GAS2L3: variants seen among roughly 807,000 people sequenced by gnomAD.
GAS2L3 encodes growth arrest specific 2 like 3.
A neutral mutation model predicts 37.0 loss-of-function variants in GAS2L3; 28 were observed. The observed-to-expected ratio is 0.76, with a 90% CI of 0.56 to 1.04. The LOEUF is 1.04. GAS2L3 is among the 50% of genes least tolerant of loss of function. The probability of loss-of-function intolerance (pLI) is 0.00; values close to 1 mark genes in which losing one functional copy is unlikely to be tolerated. For synonymous variants in GAS2L3, 290 were observed against 296.6 expected, an observed-to-expected ratio of 0.98 and a Z score of 0.23; for missense variants, 793 against 817.6, an observed-to-expected ratio of 0.97 and a Z score of 0.37.
intron 5 of GAS2L3, among the ~76,000 whole-genome samples, chr12:100,608,100 G>A (rs1003652236): frequency 2.0e-5 from 3 of 152,154 alleles, no homozygotes; most frequent in Non-Finnish European, 4.4e-5. Flanking sequence ...ACCCAATAAT[G>A]CCATGGTTCT....
At chr12:100,576,063 T>G (rs1231708767) in intron 1 of GAS2L3, among the ~76,000 whole-genome samples, 2 of 152,198 alleles carry the variant, frequency 1.3e-5, no homozygotes, top group African/African-American at 4.8e-5. Flanking sequence ...TGCATGCTAT[T>G]AGTAAAAAAA....
chr12:100,620,589 A>C (rs1956240807), intron 8 of GAS2L3, among the ~76,000 whole-genome samples: 1 of 152,004 alleles, frequency 6.6e-6, no homozygotes, highest in African/African-American at 2.4e-5. Context: ...TGTTATGAAA[A>C]CTAAAAAGAA....
intron 6 of GAS2L3, 39 bp downstream of exon 6, chr12:100,612,180 C>A: frequency 6.3e-7 from 1 of 1,574,968 alleles, no homozygotes; most frequent in Non-Finnish European, 8.7e-7. Flanking sequence ...TTAATGCTTA[C>A]TAGGATGTTT....
intron 1 of GAS2L3, among the ~76,000 whole-genome samples, chr12:100,584,604 C>T (rs1025231020): frequency 2.0e-5 from 3 of 151,480 alleles, no homozygotes; most frequent in East Asian, 1.9e-4. Context: ...GACAGAGTCT[C>T]GTTCTGTCAC....
chr12:100,612,057 G>T lies in GAS2L3; in HGVS notation c.361G>T (p.Ala121Ser), dbSNP rs1956133468. The change falls in exon 6 of 10, where the codon GCT (alanine) becomes TCT (serine). Residue 121 changes from alanine (A) to serine (S), a missense_variant. By Grantham distance (99) the Ala-to-Ser change is moderately conservative (BLOSUM62 1). Transcript: ENST00000547754. ...AGATGCTGCATCAGGTTCATTCTTT[G>T]CTCGGGACAATACCGCAAACTTCCT... The part of the protein sequence containing the change: ...KKDAASGSFF[A>S]RDNTANFLHW... 1 of 1,611,474 alleles carries T rather than the reference G, an allele frequency of 6.2e-7. No homozygotes were observed. The highest frequency in any genetic ancestry group is 8.5e-7 in the Non-Finnish European group (1 of 1,177,650).
chr12:100,618,375 A>G, intron 7 of GAS2L3, 74 bp from the exon 8 acceptor site: 4 of 1,452,868 alleles, frequency 2.8e-6, no homozygotes, highest in Non-Finnish European at 3.7e-6. Flanking sequence ...TTCAGAAAGA[A>G]AATCTATCTT....
chr12:100,596,072 G>A (rs1955907945), intron 3 of GAS2L3, among the ~76,000 whole-genome samples: 1 of 151,862 alleles, frequency 6.6e-6, no homozygotes, highest in Admixed American at 6.6e-5. Context: ...CCTATATTCT[G>A]CAGCTGTAGT....
In GAS2L3 at chr12:100,627,312, T is replaced by C; in HGVS notation, c.*2422T>C. ...TTTTTGAGACGGAGTTTCACTCTTG[T>C]TGCCCAGACTGGAGTGCAGTGGCAC... On this transcript the variant is annotated 3_prime_UTR_variant, in exon 10 of 10. Transcript: ENST00000547754. 6.6e-6 allele frequency among the ~76,000 whole-genome samples: 1 copy of C among 151,928 alleles called. No homozygotes were observed. The highest frequency in any genetic ancestry group is 2.0e-4 in the East Asian group (1 of 5,112).
Position 100,625,871 on chromosome 12 carries a change from A to G in GAS2L3, c.*981A>G, listed in dbSNP as rs1956327127. ...CTATCATGAAATTATTTTTCTCTAG[A>G]TAGCACAATACCAATTTTAATTAAT... is the stretch of plus-strand genomic sequence containing the variant. On this transcript the variant is annotated 3_prime_UTR_variant, in exon 10 of 10. Coordinates refer to ENST00000547754, the MANE Select transcript of GAS2L3 (RefSeq NM_174942.3). 1 of 152,206 alleles carries G rather than the reference A, an allele frequency of 6.6e-6. No homozygotes were observed. The highest frequency in any genetic ancestry group is 1.5e-5 in the Non-Finnish European group (1 of 68,036). The allele number at this position is 152,206 out of a possible 1,614,324, so 9.4% of individuals were successfully genotyped here. A position where few individuals can be genotyped will look rare whatever the true frequency, so the allele number is the denominator to read the frequency against.
chr12:100,587,958 A>C (rs1004011128), intron 1 of GAS2L3, among the ~76,000 whole-genome samples: 7 of 152,184 alleles, frequency 4.6e-5, no homozygotes, highest in African/African-American at 1.7e-4. Context: ...AGGCTGAGGC[A>C]GGAGAATGGT....
At chr12:100,618,950 A>G (rs963858133) in intron 8 of GAS2L3, among the ~76,000 whole-genome samples, 1 of 152,072 alleles carries the variant, frequency 6.6e-6, no homozygotes, top group African/African-American at 2.4e-5. Context: ...TAGAGGTTAT[A>G]TTGGTTTTGT....
chr12:100,617,606 G>T, intron 6 of GAS2L3, 138 bp from the exon 7 acceptor site: 1 of 613,554 alleles, frequency 1.6e-6, no homozygotes, highest in Non-Finnish European at 2.9e-6. Context: ...AAATAAAAGT[G>T]TCTTTTCTTC....
rs573041429 is a variant in GAS2L3 at position 100,601,767 on chromosome 12, C to T, written c.303+14C>T. Reference sequence around the variant, plus strand: ...GAAGAATCAGGGGTAAGTAAATGTTCGACAGTATTGATTTTATGTCTTGGT... The same window carrying T: ...GAAGAATCAGGGGTAAGTAAATGTTTGACAGTATTGATTTTATGTCTTGGT... On this transcript the variant is annotated intron_variant, in intron 5 of 9. Coordinates refer to ENST00000547754, the MANE Select transcript of GAS2L3 (RefSeq NM_174942.3). The T allele has an allele frequency of 1.7e-5, 22 of 1,328,380 alleles. No homozygotes were observed. Among genetic ancestry groups the T allele is most frequent in the African/African-American group, 7.3e-5 (5 of 68,458 alleles). The allele number at this position is 1,328,380 out of a possible 1,614,324, so 82.3% of individuals were successfully genotyped here.
At chr12:100,591,488 A>G (rs971411192) in intron 1 of GAS2L3, among the ~76,000 whole-genome samples, 1 of 152,120 alleles carries the variant, frequency 6.6e-6, no homozygotes, top group African/African-American at 2.4e-5. Flanking sequence ...ATTTATAACT[A>G]TATTTATTTT....
At chr12:100,589,340 A>AT (rs1955818395) in intron 1 of GAS2L3, among the ~76,000 whole-genome samples, 1 of 74,780 alleles carries the variant, frequency 1.3e-5, no homozygotes, top group East Asian at 1.3e-3. Context: ...TAATAGCTGC[A>AT]AAAAAAAAAA....
Position 100,624,198 on chromosome 12 carries a change from T to G in GAS2L3, c.1393T>G (p.Cys465Gly), listed in dbSNP as rs1956300224. 1.9e-6 allele frequency: 3 copies of G among 1,613,962 alleles called. No homozygotes were observed. Among genetic ancestry groups the G allele is most frequent in the Non-Finnish European group, 2.5e-6 (3 of 1,180,022 alleles). Residue 465 changes from cysteine to glycine, a missense_variant, in exon 10 of 10, where the codon TGT becomes GGT. By Grantham distance (159) the Cys-to-Gly change is radical. Transcript: ENST00000547754. ...LPESTLLPNK[C>G]SGKTQPKYLK... Reference sequence around the variant, plus strand: ...CGAGTCCACACTTTTGCCAAATAAGTGTTCAGGAAAAACTCAACCTAAGTA... The same window carrying G: ...CGAGTCCACACTTTTGCCAAATAAGGGTTCAGGAAAAACTCAACCTAAGTA...
intron 1 of GAS2L3, among the ~76,000 whole-genome samples, chr12:100,588,041 G>A (rs1277593868): frequency 6.6e-6 from 1 of 152,006 alleles, no homozygotes; most frequent in African/African-American, 2.4e-5. Context: ...GACAGAGCGA[G>A]ACTCCATCTC....
intron 1 of GAS2L3, among the ~76,000 whole-genome samples, chr12:100,574,220 T>C (rs1038944247): frequency 6.6e-6 from 1 of 152,210 alleles, no homozygotes; most frequent in African/African-American, 2.4e-5. Context: ...TTAGAGGGTC[T>C]GTTTTTTTCT....
intron 2 of GAS2L3, 155 bp from the exon 3 acceptor site, chr12:100,594,720 A>G (rs1955888664): frequency 1.1e-5 from 4 of 350,110 alleles, no homozygotes; most frequent in Non-Finnish European, 5.4e-6. Context: ...AAGGAGTGAT[A>G]TGAATTTTCT....
Sources: gnomAD v4.1 joint callset for allele counts (sites outside exome capture counted in the v4.1 genomes callset) on GRCh38, gnomAD v4.1.1 for gene constraint, MANE v1.5 for transcripts, NCBI Gene and HGNC (gene_info 2026-07-23, HGNC 2026-07-21) for gene names.